ITGA6: variants seen among roughly 807,000 people sequenced by gnomAD.
The protein encoded by ITGA6 is integrin subunit alpha 6, also known as integrin alpha-6.
ITGA6 carries 63 observed loss-of-function variants against 133.6 expected under a neutral mutation model. The observed-to-expected ratio is 0.47, with a 90% CI of 0.38 to 0.58. The LOEUF (loss-of-function observed/expected upper bound fraction) is 0.58. Among genes scored for constraint, ITGA6 ranks in the 20% least tolerant of loss-of-function variants. The probability of loss-of-function intolerance (pLI) is 0.00; values close to 1 mark genes in which losing one functional copy is unlikely to be tolerated. For missense variants in ITGA6, 1,068 were observed against 1,309.4 expected (o/e 0.82, Z 2.85); for synonymous variants, 434 against 482.0 (o/e 0.90, Z 1.30).
chr2:172,485,164 CAG>C lies in ITGA6; in HGVS notation c.1755_1756del (p.Val586GlyfsTer9). The C allele has an allele frequency of 6.2e-7, 1 of 1,613,824 alleles. No homozygotes were observed. Among genetic ancestry groups the C allele is most frequent in the South Asian group, 1.1e-5 (1 of 91,078 alleles). On this transcript the variant is annotated frameshift_variant, in exon 13 of 26. Transcript: ENST00000684293. LOFTEE classifies it high-confidence loss of function. ...CTGCGTCCCATTCCCATAACTGCCTCAGTGGAGATCCAAGAGCCAAGCTCTCG... is the reference window on the plus strand; with the variant it reads ...CTGCGTCCCATTCCCATAACTGCCTCTGGAGATCCAAGAGCCAAGCTCTCG...
chr2:172,444,251 A>C (rs1684659321), intron 1 of ITGA6, among the ~76,000 whole-genome samples: 1 of 152,250 alleles, frequency 6.6e-6, no homozygotes, highest in Non-Finnish European at 1.5e-5. Flanking sequence ...GTTATGGAGC[A>C]GAAAAGAAGA....
chr2:172,432,323 T>A (rs115155726), intron 1 of ITGA6, among the ~76,000 whole-genome samples: 4,334 of 152,364 alleles, frequency 0.028, 92 homozygotes, highest in Middle Eastern at 0.078. Context: ...TCTGATGTTT[T>A]GTGCTAAACT....
Position 172,474,252 on chromosome 2 carries a change from C to T in ITGA6, c.973C>T (p.Leu325Phe). The T allele has an allele frequency of 6.2e-7, 1 of 1,613,824 alleles. No individual in the cohort carries two copies. Among genetic ancestry groups the T allele is most frequent in the East Asian group, 2.2e-5 (1 of 44,872 alleles). ...SFGYDVAVVD[L>F]NKDGWQDIVI... ...TGGCTATGATGTGGCGGTGGTGGAC[C>T]TCAACAAGGATGGGTGAGAAAGCCT... Residue 325 changes from leucine (L) to phenylalanine (F), a missense_variant, in exon 6 of 26, where the codon CTC (leucine) becomes TTC (phenylalanine). Physicochemically the swap from Leu to Phe is conservative, Grantham distance 22. Transcript: ENST00000684293.
At chr2:172,499,496 C>T (rs917849413) in intron 24 of ITGA6, among the ~76,000 whole-genome samples, 4 of 151,970 alleles carry the variant, frequency 2.6e-5, no homozygotes, top group Admixed American at 6.6e-5. Flanking sequence ...TCCTGAGTAG[C>T]TGGGACTACG....
rs761245728 is a variant in ITGA6 at position 172,427,907 on chromosome 2, C to G, written c.119C>G (p.Pro40Arg). 10 of 1,607,122 alleles carry G rather than the reference C, an allele frequency of 6.2e-6. 1 individual carries two copies. The highest frequency in any genetic ancestry group is 5.5e-5 in the South Asian group (5 of 90,110). The change falls in exon 1 of 26, where the codon CCC (proline) becomes CGC (arginine). Residue 40 changes from proline to arginine, a missense_variant. Around this residue, in one of 3 missense-constraint regions of ITGA6, gnomAD observed 142 missense variants for 145.3 expected, o/e 0.98. Coordinates refer to ENST00000684293, the MANE Select transcript of ITGA6 (RefSeq NM_000210.4). ...AACGTGATCCGGAAATATGGAGACCCCGGGAGCCTCTTCGGCTTCTCGCTG... is the reference window on the plus strand; with the variant it reads ...AACGTGATCCGGAAATATGGAGACCGCGGGAGCCTCTTCGGCTTCTCGCTG... ...EDNVIRKYGD[P>R]GSLFGFSLAM...
chr2:172,444,823 C>T (rs1044679488), intron 1 of ITGA6, among the ~76,000 whole-genome samples: 1 of 151,386 alleles, frequency 6.6e-6, no homozygotes, highest in Non-Finnish European at 1.5e-5. Context: ...TGGATTGTAG[C>T]TCCCGTGCTA....
At chr2:172,478,181 A>C (rs761720953) in intron 9 of ITGA6, among the ~76,000 whole-genome samples, 2 of 152,232 alleles carry the variant, frequency 1.3e-5, no homozygotes, top group Admixed American at 1.3e-4. Flanking sequence ...GTCTAAATGT[A>C]AAATAAAAAT....
intron 1 of ITGA6, among the ~76,000 whole-genome samples, chr2:172,453,886 G>A (rs921177729): frequency 6.6e-6 from 1 of 152,216 alleles, no homozygotes; most frequent in Non-Finnish European, 1.5e-5. Context: ...GCTAGGTGAT[G>A]CAACAGTGAC....
chr2:172,463,760 T>C (rs143040490), intron 1 of ITGA6, among the ~76,000 whole-genome samples: 2,303 of 152,238 alleles, frequency 0.015, 32 homozygotes, highest in South Asian at 0.057. Context: ...ACCCCACTTA[T>C]CCCTTCCAGC....
intron 9 of ITGA6, 127 bp from the exon 10 acceptor site, chr2:172,479,514 C>T (rs1686331449): frequency 1.4e-5 from 11 of 791,752 alleles, no homozygotes; most frequent in Admixed American, 1.4e-4. Context: ...GGGAAAACGT[C>T]ACGTGTATTT....
chr2:172,489,074 G>T (rs1686810792), intron 19 of ITGA6, among the ~76,000 whole-genome samples: 1 of 152,194 alleles, frequency 6.6e-6, no homozygotes, highest in Non-Finnish European at 1.5e-5. Context: ...CTTCATTTTT[G>T]CAGTGGATGG....
At chr2:172,504,066 C>A in intron 25 of ITGA6, 25 bp from the exon 26 acceptor site, 3 of 1,532,618 alleles carry the variant, frequency 2.0e-6, no homozygotes, top group Non-Finnish European at 2.6e-6. Context: ...TAATTTGTTT[C>A]TCTTTCTCTT....
chr2:172,442,778 A>T (rs544639794), intron 1 of ITGA6, among the ~76,000 whole-genome samples: 2 of 152,158 alleles, frequency 1.3e-5, no homozygotes, highest in East Asian at 3.9e-4. Context: ...GTAAAAATCA[A>T]TCTTTGACTC....
rs201008940 is a variant in ITGA6 at position 172,488,069 on chromosome 2, A to G, written c.2402+31A>G. On this transcript the variant is annotated intron_variant, in intron 18 of 25. Coordinates refer to ENST00000684293, the MANE Select transcript of ITGA6 (RefSeq NM_000210.4). ...TGTTTGTGTTTAGCATAACAAATCA[A>G]TGTTTGAAAGAACCATTTACAATCC... The G allele has an allele frequency of 9.1e-5, 147 of 1,611,728 alleles. 1 individual carries two copies. The East Asian group carries it at 1.9e-3, about 21-fold the overall frequency.
Position 172,469,252 on chromosome 2 carries a change from G to A in ITGA6, c.515G>A (p.Trp172Ter). The change falls in exon 4 of 26, where the codon TGG (tryptophan) becomes TAG (stop). Residue 172 changes from tryptophan to a stop codon, truncating the protein, a stop_gained. Transcript: ENST00000684293. LOFTEE classifies it high-confidence loss of function. ...GAAGACGATATGGATGGGGGAGATT[G>A]GAGCTTTTGTGATGGGCGATTGAGA... ...RIEDDMDGGD[W>*]SFCDGRLRGH... The A allele has an allele frequency of 6.2e-7, 1 of 1,614,140 alleles. No homozygotes were observed. Among genetic ancestry groups the A allele is most frequent in the Non-Finnish European group, 8.5e-7 (1 of 1,180,014 alleles).
intron 23 of ITGA6, among the ~76,000 whole-genome samples, chr2:172,494,546 A>G (rs538726442): frequency 6.6e-6 from 1 of 152,324 alleles, no homozygotes; most frequent in Admixed American, 6.5e-5. Context: ...TTAGGATACT[A>G]TTATAATGAA....
At chr2:172,450,201 A>T (rs1245813360) in intron 1 of ITGA6, among the ~76,000 whole-genome samples, 2 of 152,144 alleles carry the variant, frequency 1.3e-5, no homozygotes, top group African/African-American at 4.8e-5. Context: ...ATTTCATTCC[A>T]TTGCCCATCG....
intron 23 of ITGA6, chr2:172,495,327 A>G (rs895875303): frequency 6.6e-6 from 1 of 152,242 alleles, no homozygotes; most frequent in Admixed American, 6.5e-5. Flanking sequence ...AACCAAAGGT[A>G]AGAAATTATT....
At chr2:172,455,756 C>CA (rs1435041020) in intron 1 of ITGA6, among the ~76,000 whole-genome samples, 1 of 152,184 alleles carries the variant, frequency 6.6e-6, no homozygotes, top group Non-Finnish European at 1.5e-5. Context: ...ACAGAGTTCT[C>CA]AGATGTCTTT....
Sources: gnomAD v4.1 joint callset for allele counts (sites outside exome capture counted in the v4.1 genomes callset) on GRCh38, gnomAD v4.1.1 for gene constraint, gnomAD v4.1.1 regional missense constraint, MANE v1.5 for transcripts, NCBI Gene and HGNC (gene_info 2026-07-23, HGNC 2026-07-21) for gene names.